The following ANKRD46 variants were observed in gnomAD, a reference collection of about 807,000 sequenced individuals.
The protein encoded by ANKRD46 is ankyrin repeat domain 46.
In ANKRD46, 13 loss-of-function variants were observed where a neutral mutation model predicts 19.8. The observed-to-expected ratio is 0.66, with a 90% CI of 0.43 to 1.04. ANKRD46 has a LOEUF of 1.04. ANKRD46 is among the 50% of genes least tolerant of loss of function. ANKRD46 has a pLI of 0.00. For missense variants in ANKRD46, 185 were observed against 274.8 expected (o/e 0.67, Z 2.31); for synonymous variants, 91 against 106.9 (o/e 0.85, Z 0.92).
chr8:100,533,045 T>C (rs1467774225), intron 2 of ANKRD46, among the ~76,000 whole-genome samples, 164 bp downstream of exon 2: 1 of 152,248 alleles, frequency 6.6e-6, no homozygotes, highest in Non-Finnish European at 1.5e-5. Flanking sequence ...AGTGTGTATT[T>C]TGTCAGTTTC....
Position 100,510,965 on chromosome 8 carries a change from G to C in ANKRD46, c.637-326C>G, listed in dbSNP as rs534055248. On this transcript the variant is annotated intron_variant, in intron 5 of 5. Coordinates refer to the ANKRD46 transcript ENST00000520552. The surrounding 1 kb of genome is among the most constrained non-coding windows in gnomAD (Gnocchi z 4.9). ...CTAATCACCCACTGCCTGCAGGCCT[G>C]ACCAATTACACAAGAATAGAGGTTG... 2.6e-5 allele frequency among the ~76,000 whole-genome samples: 4 copies of C among 152,324 alleles called. No individual in the cohort carries two copies. The East Asian group carries it at 5.8e-4, about 22-fold the overall frequency.
In ANKRD46 at chr8:100,510,651, G is replaced by A. The variant is rs1350256312; in HGVS notation, c.637-12C>T. On this transcript the variant is annotated splice_polypyrimidine_tract_variant and intron_variant, in intron 5 of 5. Transcript: ENST00000520552. The surrounding 1 kb of genome is among the most constrained non-coding windows in gnomAD (Gnocchi z 4.9). The stretch of plus-strand genomic sequence containing the variant: ...CTCAGTGTCCTTCTCTGTAAATGTG[G>A]GGAAGACAGATTAAAAAAAAAAAAA... 4 of 1,527,600 alleles carry A rather than the reference G, an allele frequency of 2.6e-6. No homozygotes were observed. In the East Asian group the frequency reaches 7.3e-5, roughly 28 times the overall value. The allele number at this position is 1,527,600 out of a possible 1,614,324, so 94.6% of individuals were successfully genotyped here. A position where few individuals can be genotyped will look rare whatever the true frequency, so the allele number is the denominator to read the frequency against.
chr8:100,531,484 C>T (rs1055430492), intron 2 of ANKRD46, among the ~76,000 whole-genome samples: 6 of 152,158 alleles, frequency 3.9e-5, no homozygotes, highest in African/African-American at 1.4e-4. Flanking sequence ...TCTGCTGCTA[C>T]CATGGGCTCT....
intron 5 of ANKRD46, among the ~76,000 whole-genome samples, chr8:100,512,487 C>A (rs1045976822): frequency 1.3e-5 from 2 of 152,184 alleles, no homozygotes; most frequent in Non-Finnish European, 2.9e-5. Flanking sequence ...TTTCTTGTGA[C>A]CAACACATAC....
chr8:100,519,014 C>T (rs1811680211), downstream of ANKRD46, among the ~76,000 whole-genome samples: 1 of 152,098 alleles, frequency 6.6e-6, no homozygotes. Flanking sequence ...GGATTTAGAA[C>T]AATCCTTTGT....
intron 4 of ANKRD46, 148 bp from the exon 5 acceptor site, chr8:100,522,919 A>C: frequency 1.6e-6 from 1 of 630,786 alleles, no homozygotes; most frequent in Non-Finnish European, 2.8e-6. Context: ...ATATATATAC[A>C]CACTCTTACA....
downstream of ANKRD46, among the ~76,000 whole-genome samples, chr8:100,518,536 T>C (rs1044905893): frequency 6.6e-6 from 1 of 152,136 alleles, no homozygotes; most frequent in Admixed American, 6.5e-5. Flanking sequence ...GTTGTATTCT[T>C]GGAAAATTCA....
In ANKRD46 at chr8:100,510,410, G is replaced by T. The variant is rs1811531337; in HGVS notation, c.*167C>A. The T allele has an allele frequency of 3.6e-6, 2 of 556,372 alleles. No individual in the cohort carries two copies. The highest frequency in any genetic ancestry group is 6.5e-5 in the Admixed American group (2 of 30,840). 34.5% of individuals were successfully genotyped at this position (556,372 alleles called of 1,614,324 possible). Reference sequence around the variant, plus strand: ...CCTGCAGGGCAGGACTGGAGAGGAGGGGACAGGTGGTAGCAGGTCCCTCTG... The same window carrying T: ...CCTGCAGGGCAGGACTGGAGAGGAGTGGACAGGTGGTAGCAGGTCCCTCTG... On this transcript the variant is annotated 3_prime_UTR_variant, in exon 6 of 6. Coordinates refer to the ANKRD46 transcript ENST00000520552. The surrounding 1 kb of genome is among the most constrained non-coding windows in gnomAD (Gnocchi z 4.9).
intron 1 of ANKRD46, chr8:100,556,496 T>G (rs1003335777): frequency 6.6e-6 from 1 of 152,232 alleles, no homozygotes; most frequent in Non-Finnish European, 1.5e-5. Context: ...TAGCTTAAGC[T>G]GGAAATAAAA....
intron 5 of ANKRD46, among the ~76,000 whole-genome samples, chr8:100,514,410 G>A (rs1412099138): frequency 6.6e-6 from 1 of 151,804 alleles, no homozygotes; most frequent in African/African-American, 2.4e-5. Context: ...TGCATTTTAA[G>A]CTGAAATTTC....
chr8:100,554,739 A>G lies in ANKRD46; in HGVS notation c.-131+4972T>C, dbSNP rs556195378. On this transcript the variant is annotated intron_variant, in intron 1 of 4. Transcript: ENST00000335659. ...AACCCTGTCTCAAAAAAACACAAGG[A>G]AAAAAAAAGTACTTAGCCAGGTGCA... 3 of 150,878 alleles carry G rather than the reference A, an allele frequency of 2.0e-5. No individual in the cohort carries two copies. The South Asian group carries it at 6.3e-4, about 32-fold the overall frequency. The allele number at this position is 150,878 out of a possible 1,614,324, so 9.3% of individuals were successfully genotyped here. A position where few individuals can be genotyped will look rare whatever the true frequency, so the allele number is the denominator to read the frequency against.
Position 100,550,778 on chromosome 8 carries a change from GT to G in ANKRD46, c.-131+8932del. Reference sequence around the variant, plus strand: ...CCCTGTTGCTGTAGCCAAATTCACTGTTGTACGAGGAAATGAGCTTGACAAA... The same window carrying G: ...CCCTGTTGCTGTAGCCAAATTCACTGTGTACGAGGAAATGAGCTTGACAAA... On this transcript the variant is annotated intron_variant, in intron 1 of 4. Transcript: ENST00000335659. This position sits in a 1 kb window ranked among gnomAD's most constrained non-coding sequence, Gnocchi z 4.4. 1 of 458,660 alleles carries G rather than the reference GT, an allele frequency of 2.2e-6. No individual in the cohort carries two copies. The highest frequency in any genetic ancestry group is 4.2e-6 in the Non-Finnish European group (1 of 235,618). 28.4% of individuals were successfully genotyped at this position (458,660 alleles called of 1,614,324 possible).
Position 100,527,832 on chromosome 8 carries a change from G to A in ANKRD46, c.470+13C>T. ...GTAATACAGTGAGAAAAAAAAAGTT[G>A]TATCTCCAGTACCTTTCACTCTCAG... On this transcript the variant is annotated intron_variant, in intron 4 of 4. Transcript: ENST00000335659. This position sits in a 1 kb window ranked among gnomAD's most constrained non-coding sequence, Gnocchi z 4.0. 1 of 1,605,140 alleles carries A rather than the reference G, an allele frequency of 6.2e-7. No homozygotes were observed. Among genetic ancestry groups the A allele is most frequent in the Non-Finnish European group, 8.5e-7 (1 of 1,176,720 alleles).
At chr8:100,531,101 C>T (rs1247800779) in intron 2 of ANKRD46, among the ~76,000 whole-genome samples, 1 of 152,210 alleles carries the variant, frequency 6.6e-6, no homozygotes. Context: ...AACTAGGTCT[C>T]TCTCTCTTCC....
rs142564467 is a variant in ANKRD46 at position 100,555,656 on chromosome 8, A to G, written c.-131+4055T>C. On this transcript the variant is annotated intron_variant, in intron 1 of 4. Transcript: ENST00000335659. ...GAGAACAAGAAAGGAGAGCCAACCA[A>G]TGAAAAATTCCTGGAGAAAAAAACA... Among the ~76,000 whole-genome samples, 712 of 149,534 alleles carry G rather than the reference A, an allele frequency of 4.8e-3. 3 individuals are homozygous for G. Among genetic ancestry groups the G allele is most frequent in the African/African-American group, 0.016 (653 of 40,790 alleles).
downstream of ANKRD46, among the ~76,000 whole-genome samples, chr8:100,518,633 C>T (rs761919517): frequency 3.9e-5 from 6 of 152,174 alleles, no homozygotes; most frequent in South Asian, 6.2e-4. Flanking sequence ...GGGTGGATCA[C>T]GAGGTCAGGA....
At chr8:100,518,678 C>T (rs1046949977), downstream of ANKRD46, among the ~76,000 whole-genome samples, 19 of 152,014 alleles carry the variant, frequency 1.2e-4, 1 homozygote, top group East Asian at 2.3e-3. Context: ...GGTGAAACCC[C>T]GTCTCTGCTA....
intron 3 of ANKRD46, among the ~76,000 whole-genome samples, chr8:100,528,918 A>C (rs1229976489): frequency 6.6e-6 from 1 of 152,204 alleles, no homozygotes; most frequent in Admixed American, 6.5e-5. Flanking sequence ...GTATCACTAA[A>C]ACAAACAAAA....
rs1201291765 is a variant in ANKRD46 at position 100,521,712 on chromosome 8, T to C, written c.*843A>G. 2 of 985,272 alleles carry C rather than the reference T, an allele frequency of 2.0e-6. No homozygotes were observed. Among genetic ancestry groups the C allele is most frequent in the African/African-American group, 1.7e-5 (1 of 57,250 alleles). The allele number at this position is 985,272 out of a possible 1,614,324, so 61.0% of individuals were successfully genotyped here. ...TATAGAACTGAGTTTTTCACTATAATAGCACTACAGAATTATGACAGTTAA... is the reference window on the plus strand; with the variant it reads ...TATAGAACTGAGTTTTTCACTATAACAGCACTACAGAATTATGACAGTTAA... On this transcript the variant is annotated 3_prime_UTR_variant, in exon 5 of 5. Coordinates refer to ENST00000335659, the MANE Select transcript of ANKRD46 (RefSeq NM_001270377.2).
Sources: allele counts gnomAD v4.1 joint callset (sites outside exome capture counted in the v4.1 genomes callset), GRCh38; gene constraint gnomAD v4.1.1; non-coding constraint Gnocchi (gnomAD v3.1); transcripts MANE v1.5; gene names NCBI Gene and HGNC (gene_info 2026-07-23, HGNC 2026-07-21).